Variants in PTPRT observed in about 807,000 individuals in gnomAD.
PTPRT encodes protein tyrosine phosphatase receptor type T.
A neutral mutation model predicts 176.8 loss-of-function variants in PTPRT; 56 were observed. That is an observed-to-expected ratio of 0.32 (90% CI 0.26 to 0.40). The LOEUF (loss-of-function observed/expected upper bound fraction) is 0.40. Ranked by LOEUF, PTPRT falls within the 10% of genes least tolerant of loss-of-function variation. The pLI is 1.00. For synonymous variants in PTPRT, 783 were observed against 739.0 expected (o/e 1.06, Z -0.96); for missense variants, 1,540 against 1,908.2 (o/e 0.81, Z 3.60).
At chr20:42,507,270 C>T (rs1301894118) in intron 7 of PTPRT, among the ~76,000 whole-genome samples, 1 of 152,066 alleles carries the variant, frequency 6.6e-6, no homozygotes, top group African/African-American at 2.4e-5. Context: ...ATTTTTAAAT[C>T]ACAAATTCTA....
At chr20:42,896,824 C>A (rs567244238) in intron 1 of PTPRT, among the ~76,000 whole-genome samples, 64 of 152,182 alleles carry the variant, frequency 4.2e-4, no homozygotes, top group Admixed American at 7.2e-4. Context: ...CACCCTCGTG[C>A]CAACAAATGC....
chr20:42,354,839 T>C (rs534083359), intron 9 of PTPRT, among the ~76,000 whole-genome samples: 15 of 152,300 alleles, frequency 9.8e-5, no homozygotes, highest in African/African-American at 3.4e-4. Context: ...TAAACAGTAG[T>C]GGTGCCGCAT....
chr20:42,626,768 C>T (rs539062534), intron 7 of PTPRT, among the ~76,000 whole-genome samples: 35 of 152,232 alleles, frequency 2.3e-4, no homozygotes, highest in East Asian at 1.9e-3. Context: ...GTACAATAGC[C>T]CAGGCCATGG....
chr20:43,123,757 C>T (rs899278340), intron 1 of PTPRT, among the ~76,000 whole-genome samples: 10 of 152,180 alleles, frequency 6.6e-5, no homozygotes, highest in Admixed American at 5.2e-4. Context: ...CTAACTAGTA[C>T]CTACAGGCAC....
At chr20:42,768,928 C>T (rs376743511) in intron 5 of PTPRT, among the ~76,000 whole-genome samples, 5 of 152,132 alleles carry the variant, frequency 3.3e-5, no homozygotes, top group Admixed American at 6.6e-5. Context: ...GCCACAATAA[C>T]GATCATAAAA....
rs957302252 is a variant in PTPRT, at chr20:42,209,910, C to T, written c.2343-10522G>A. Among the ~76,000 whole-genome samples, 115 of 152,214 alleles carry T rather than the reference C, an allele frequency of 7.6e-4. 1 individual carries two copies. Among genetic ancestry groups the T allele is most frequent in the Middle Eastern group, 3.4e-3 (1 of 294 alleles). On this transcript the variant is annotated intron_variant, in intron 15 of 30. Transcript: ENST00000373187. ...GCAAAAATCCTCAATAAAATACTGG[C>T]AAAACGAATCCAGCAGCACATCAAA... is the stretch of plus-strand genomic sequence containing the variant.
chr20:42,364,376 A>T (rs546168170), intron 9 of PTPRT, among the ~76,000 whole-genome samples: 2 of 152,184 alleles, frequency 1.3e-5, no homozygotes, highest in East Asian at 1.9e-4. Flanking sequence ...AACGAAAGGG[A>T]GGGCATGTTG....
chr20:42,376,073 C>T (rs902520412), intron 9 of PTPRT, among the ~76,000 whole-genome samples: 7 of 152,152 alleles, frequency 4.6e-5, no homozygotes, highest in Non-Finnish European at 8.8e-5. Context: ...ATTTTGCCAA[C>T]AGCAAATGAT....
intron 1 of PTPRT, among the ~76,000 whole-genome samples, chr20:42,956,351 T>C (rs1358504845): frequency 6.6e-6 from 1 of 152,102 alleles, no homozygotes; most frequent in African/African-American, 2.4e-5. Flanking sequence ...GTGATTGAGC[T>C]CTCACAAGAT....
chr20:42,395,349 T>C (rs1397806783), intron 9 of PTPRT, among the ~76,000 whole-genome samples: 2 of 152,188 alleles, frequency 1.3e-5, no homozygotes, highest in African/African-American at 2.4e-5. Flanking sequence ...CAGAAGGACC[T>C]ATGCCGCATC....
intron 1 of PTPRT, among the ~76,000 whole-genome samples, chr20:43,026,353 T>C (rs1174667620): frequency 6.6e-6 from 1 of 152,168 alleles, no homozygotes; most frequent in Non-Finnish European, 1.5e-5. Flanking sequence ...CCTGACCTCG[T>C]TGTCTGCCTG....
chr20:42,892,765 C>T (rs2079217550), intron 1 of PTPRT, among the ~76,000 whole-genome samples: 1 of 152,194 alleles, frequency 6.6e-6, no homozygotes, highest in South Asian at 2.1e-4. Flanking sequence ...GGGACTGAGA[C>T]CACAGGACTG....
intron 8 of PTPRT, among the ~76,000 whole-genome samples, chr20:42,467,374 T>C (rs767109974): frequency 1.1e-4 from 17 of 152,172 alleles, no homozygotes; most frequent in Non-Finnish European, 1.2e-4. Context: ...TCATCAGTAC[T>C]GGGACTCCCT....
intron 16 of PTPRT, among the ~76,000 whole-genome samples, chr20:42,184,529 T>TTCC (rs1555797940): frequency 1.1e-3 from 107 of 101,412 alleles, no homozygotes; most frequent in Non-Finnish European, 1.4e-3. Context: ...CTTCTTCTTC[T>TTCC]TCTTCCTCTT....
chr20:42,817,324 T>C (rs1361768021), intron 2 of PTPRT, among the ~76,000 whole-genome samples: 1 of 150,336 alleles, frequency 6.7e-6, no homozygotes, highest in African/African-American at 2.4e-5. Context: ...TTTTTAAACA[T>C]GAACCCTTCT....
chr20:42,155,654 T>C (rs1440949759), intron 17 of PTPRT, among the ~76,000 whole-genome samples: 1 of 152,224 alleles, frequency 6.6e-6, no homozygotes, highest in African/African-American at 2.4e-5. Flanking sequence ...TCATACATTA[T>C]TTCAAATAAT....
At chr20:42,714,570 T>C (rs1393411265) in intron 6 of PTPRT, among the ~76,000 whole-genome samples, 2 of 152,184 alleles carry the variant, frequency 1.3e-5, no homozygotes, top group Non-Finnish European at 2.9e-5. Context: ...CACAACTGAC[T>C]AACTGGCACT....
intron 9 of PTPRT, among the ~76,000 whole-genome samples, chr20:42,398,023 G>C: frequency 6.6e-6 from 1 of 152,134 alleles, no homozygotes. Context: ...TGAGGAAACT[G>C]AGGCTTGAAA....
intron 19 of PTPRT, among the ~76,000 whole-genome samples, chr20:42,121,031 T>C (rs536055070): frequency 7.9e-5 from 12 of 151,804 alleles, no homozygotes; most frequent in Admixed American, 5.9e-4. Context: ...TTTTGCCCTG[T>C]TGAGGTAGAT....
Sources: gnomAD v4.1 joint callset for allele counts (sites outside exome capture counted in the v4.1 genomes callset) on GRCh38, gnomAD v4.1.1 for gene constraint, MANE v1.5 for transcripts, NCBI Gene and HGNC (gene_info 2026-07-23, HGNC 2026-07-21) for gene names.